The following SZT2 variants were observed in gnomAD, a reference collection of about 807,000 sequenced individuals.
The protein encoded by SZT2 is SZT2 subunit of KICSTOR complex.
Under a neutral mutation model 404.2 loss-of-function variants are expected in SZT2, and 216 were observed. The observed-to-expected ratio is 0.53, with a 90% CI of 0.48 to 0.60. The LOEUF is 0.60. Among genes scored for constraint, SZT2 ranks in the 20% least tolerant of loss-of-function variants. SZT2 has a pLI of 0.00. For synonymous variants in SZT2, 1,693 were observed against 1,749.9 expected (o/e 0.97, Z 0.81); for missense variants, 3,857 against 4,459.2 (o/e 0.86, Z 3.85).
In SZT2 at chr1:43,451,930, C is replaced by G. The variant is rs111686948; in HGVS notation, c.*1450C>G. On this transcript the variant is annotated 3_prime_UTR_variant, in exon 72 of 72. Coordinates refer to ENST00000634258, the MANE Select transcript of SZT2 (RefSeq NM_001365999.1). ...ACAGAAGGAGAGACAGGGCTGGGGT[C>G]GTACCCTGCTGGGGCGTGTCCAGGA... The G allele has an allele frequency of 1.9e-6, 3 of 1,612,544 alleles. No homozygotes were observed. The highest frequency in any genetic ancestry group is 2.5e-6 in the Non-Finnish European group (3 of 1,178,820).
At chr1:43,434,237 T>C (rs1654224887) in intron 40 of SZT2, 149 bp from the exon 41 acceptor site, 1 of 659,496 alleles carries the variant, frequency 1.5e-6, no homozygotes, top group Non-Finnish European at 2.5e-6. Flanking sequence ...CCAAGCCTGC[T>C]CCCTTTTCAT....
intron 1 of SZT2, among the ~76,000 whole-genome samples, chr1:43,397,135 A>G (rs1237259099): frequency 6.6e-6 from 1 of 152,190 alleles, no homozygotes; most frequent in Non-Finnish European, 1.5e-5. Flanking sequence ...GGGTTACAGC[A>G]AGAAACAATG....
At chr1:43,402,267 A>G (rs183705834) in intron 1 of SZT2, among the ~76,000 whole-genome samples, 1 of 152,320 alleles carries the variant, frequency 6.6e-6, no homozygotes, top group Non-Finnish European at 1.5e-5. Flanking sequence ...ATAAGCATTA[A>G]TCAGGAAGAG....
chr1:43,436,459 C>T (rs1654466846), intron 42 of SZT2: 1 of 152,282 alleles, frequency 6.6e-6, no homozygotes, highest in South Asian at 2.1e-4. Context: ...AGCCCTTCCT[C>T]ATTTTAGTCT....
intron 1 of SZT2, among the ~76,000 whole-genome samples, chr1:43,402,245 T>C (rs556909269): frequency 6.6e-6 from 1 of 152,194 alleles, no homozygotes; most frequent in South Asian, 2.1e-4. Flanking sequence ...AAGGGAGTAA[T>C]GAATGTGACA....
chr1:43,403,177 G>T lies in SZT2; in HGVS notation c.28G>T (p.Val10Leu), dbSNP rs1449881766. ...TGTATTAATGTCTCTTTGTTCCCAGGTGGAAGAAGCTGGGCAGGTGTTCCT... is the reference window on the plus strand; with the variant it reads ...TGTATTAATGTCTCTTTGTTCCCAGTTGGAAGAAGCTGGGCAGGTGTTCCT... MASERPEPE[V>L]EEAGQVFLLM... Residue 10 changes from valine (V) to leucine (L), a missense_variant and splice_region_variant, in exon 2 of 72, where the codon GTG becomes TTG. Physicochemically the swap from Val to Leu is conservative, Grantham distance 32 (BLOSUM62 1). This residue lies in a region of SZT2 where 536 missense variants were observed against 637.4 expected (regional missense o/e 0.84). Transcript: ENST00000634258. 1.2e-6 allele frequency: 2 copies of T among 1,613,948 alleles called. No individual in the cohort carries two copies. Among genetic ancestry groups the T allele is most frequent in the Non-Finnish European group, 1.7e-6 (2 of 1,179,996 alleles).
chr1:43,426,606 A>G lies in SZT2; in HGVS notation c.3214+68A>G. ...CCTTTTCCCCCACCCTCACAGGGTG[A>G]TTTCTGTCTTTGAGTTTTGGCTTTC... is the stretch of plus-strand genomic sequence containing the variant. On this transcript the variant is annotated intron_variant, in intron 22 of 71. Transcript: ENST00000634258. This position sits in a 1 kb window ranked among gnomAD's most constrained non-coding sequence, Gnocchi z 4.9. 2.0e-6 allele frequency: 3 copies of G among 1,505,536 alleles called. No homozygotes were observed. Among genetic ancestry groups the G allele is most frequent in the Admixed American group, 4.0e-5 (2 of 49,504 alleles). The allele number at this position is 1,505,536 out of a possible 1,614,324, so 93.3% of individuals were successfully genotyped here.
In SZT2 at chr1:43,415,077, C is replaced by T. The variant is rs755770243; in HGVS notation, c.499-5C>T. 1 of 1,597,378 alleles carries T rather than the reference C, an allele frequency of 6.3e-7. No homozygotes were observed. The stretch of plus-strand genomic sequence containing the variant: ...CTGTCTCAGTCTTTCCCATGTGCTT[C>T]TTAGGTGCTGGTACAGGGCTGCCTC... On this transcript the variant is annotated splice_region_variant and splice_polypyrimidine_tract_variant and intron_variant, in intron 4 of 71. Transcript: ENST00000634258.
Position 43,450,559 on chromosome 1 carries a change from C to T in SZT2, c.*79C>T, listed in dbSNP as rs1168681686. 23 of 1,586,476 alleles carry T rather than the reference C, an allele frequency of 1.4e-5. No homozygotes were observed. The Admixed American group carries it at 3.4e-4, about 23-fold the overall frequency. On this transcript the variant is annotated 3_prime_UTR_variant, in exon 72 of 72. Coordinates refer to ENST00000634258, the MANE Select transcript of SZT2 (RefSeq NM_001365999.1). The surrounding 1 kb of genome is among the most constrained non-coding windows in gnomAD (Gnocchi z 4.3). Reference sequence around the variant, plus strand: ...GATTGCCTGCCAGAGGCAGGACTGACCAGCCCTTCTGGGCCCCAGGGCAAG... The same window carrying T: ...GATTGCCTGCCAGAGGCAGGACTGATCAGCCCTTCTGGGCCCCAGGGCAAG...
chr1:43,407,074 A>G (rs960613901), intron 4 of SZT2, among the ~76,000 whole-genome samples: 11 of 152,222 alleles, frequency 7.2e-5, no homozygotes, highest in Non-Finnish European at 1.6e-4. Flanking sequence ...ATAGGCGAAG[A>G]TTATTGTAGC....
Position 43,430,932 on chromosome 1 carries a change from C to T in SZT2, c.4775-17C>T, listed in dbSNP as rs773461404. 6.2e-7 allele frequency: 1 copy of T among 1,606,198 alleles called. No homozygotes were observed. Among genetic ancestry groups the T allele is most frequent in the Non-Finnish European group, 8.5e-7 (1 of 1,176,808 alleles). On this transcript the variant is annotated splice_polypyrimidine_tract_variant and intron_variant, in intron 32 of 71. Coordinates refer to ENST00000634258, the MANE Select transcript of SZT2 (RefSeq NM_001365999.1). ...TCTTAGAGCCCTCAGCAACTGCTAA[C>T]TTTCCCCCTCTCCCAGGCCAGGTGC...
chr1:43,428,442 G>C lies in SZT2; in HGVS notation c.4122G>C (p.Glu1374Asp). The C allele has an allele frequency of 1.9e-6, 3 of 1,614,154 alleles. No individual in the cohort carries two copies. The highest frequency in any genetic ancestry group is 2.5e-6 in the Non-Finnish European group (3 of 1,180,024). ...SPGPFSSSME[E>D]GAEPRERAIL... ...GGCCCTTCAGCAGCAGCATGGAGGAGGGTGCTGAACCTCGGGAACGAGCTA... is the reference window on the plus strand; with the variant it reads ...GGCCCTTCAGCAGCAGCATGGAGGACGGTGCTGAACCTCGGGAACGAGCTA... The change falls in exon 28 of 72, where the codon GAG becomes GAC. Residue 1374 changes from glutamate (E) to aspartate (D), a missense_variant. By Grantham distance (45) the Glu-to-Asp change is conservative. Coordinates refer to ENST00000634258, the MANE Select transcript of SZT2 (RefSeq NM_001365999.1).
At chr1:43,432,879 G>A (rs1289441007) in intron 39 of SZT2, 80 bp downstream of exon 39, 2 of 1,594,988 alleles carry the variant, frequency 1.3e-6, no homozygotes, top group African/African-American at 2.7e-5. Flanking sequence ...GTCTGGACAG[G>A]AGACATCAGA....
chr1:43,401,214 T>C lies in SZT2; in HGVS notation c.28-1963T>C, dbSNP rs142909879. Reference sequence around the variant, plus strand: ...TGTTGGGGTTATAGGCTTGAACCGTTATGCCCAGCTGTTATTGTTAACTTT... The same window carrying C: ...TGTTGGGGTTATAGGCTTGAACCGTCATGCCCAGCTGTTATTGTTAACTTT... On this transcript the variant is annotated intron_variant, in intron 1 of 71. Coordinates refer to ENST00000634258, the MANE Select transcript of SZT2 (RefSeq NM_001365999.1). Among the ~76,000 whole-genome samples, 204 of 152,332 alleles carry C rather than the reference T, an allele frequency of 1.3e-3. No individual in the cohort carries two copies. In the East Asian group the frequency reaches 0.026, roughly 19 times the overall value.
chr1:43,415,560 C>A (rs1651605996), intron 5 of SZT2, among the ~76,000 whole-genome samples: 1 of 152,194 alleles, frequency 6.6e-6, no homozygotes. Flanking sequence ...ACTAGACTTC[C>A]CTGTCTCATC....
At chr1:43,422,442 C>T in intron 12 of SZT2, 38 bp from the exon 13 acceptor site, 1 of 1,531,762 alleles carries the variant, frequency 6.5e-7, no homozygotes, top group Non-Finnish European at 8.7e-7. Flanking sequence ...AAGCCTGGGG[C>T]CTGGAGGTCT....
chr1:43,433,341 G>A lies in SZT2; in HGVS notation c.5804+151G>A, dbSNP rs117726389. The A allele has an allele frequency of 4.9e-4, 376 of 765,454 alleles. 2 individuals are homozygous for A. In the East Asian group the frequency reaches 8.2e-3, roughly 17 times the overall value. The allele number at this position is 765,454 out of a possible 1,614,324, so 47.4% of individuals were successfully genotyped here. A position where few individuals can be genotyped will look rare whatever the true frequency, so the allele number is the denominator to read the frequency against. On this transcript the variant is annotated intron_variant, in intron 40 of 71. Transcript: ENST00000634258. The stretch of plus-strand genomic sequence containing the variant: ...TTGTATTCTTAGGTTGGTGGTTCCC[G>A]ATCACTTCCCACATCTTACAGCTAA...
At chr1:43,416,309 C>G (rs1651715643) in intron 6 of SZT2, among the ~76,000 whole-genome samples, 1 of 152,046 alleles carries the variant, frequency 6.6e-6, no homozygotes, top group South Asian at 2.1e-4. Flanking sequence ...GAGTAGAGCT[C>G]CAAGGATATC....
chr1:43,417,484 G>C (rs546442778), intron 7 of SZT2, among the ~76,000 whole-genome samples: 2 of 152,176 alleles, frequency 1.3e-5, no homozygotes, highest in African/African-American at 4.8e-5. Flanking sequence ...TGTTGTGTTC[G>C]AGGTGCCTGT....
Sources: gnomAD v4.1 joint callset for allele counts (sites outside exome capture counted in the v4.1 genomes callset) on GRCh38, gnomAD v4.1.1 for gene constraint, gnomAD v4.1.1 regional missense constraint, Gnocchi (gnomAD v3.1) non-coding constraint, MANE v1.5 for transcripts, NCBI Gene and HGNC (gene_info 2026-07-23, HGNC 2026-07-21) for gene names.